Variants in CLIC5 observed in about 807,000 individuals in gnomAD.
CLIC5 encodes chloride intracellular channel protein 5.
A neutral mutation model predicts 24.7 loss-of-function variants in CLIC5; 20 were observed. The ratio of observed to expected loss-of-function variants is 0.81; its 90% CI spans 0.57 to 1.18. CLIC5 has a LOEUF of 1.18. Among genes scored for constraint, CLIC5 ranks in the 50% most tolerant of loss-of-function variants. The pLI, the probability that CLIC5 is intolerant of heterozygous loss-of-function variation, is 0.00. For missense variants in CLIC5, 341 were observed against 326.1 expected (o/e 1.05, Z -0.35); for synonymous variants, 159 against 135.6 (o/e 1.17, Z -1.20).
intron 1 of CLIC5, among the ~76,000 whole-genome samples, chr6:46,030,142 G>A (rs1000072028): frequency 1.3e-5 from 2 of 152,092 alleles, no homozygotes; most frequent in Non-Finnish European, 2.9e-5. Context: ...CCTCCCTTGA[G>A]TGTCCTAGTT....
chr6:46,045,944 T>C (rs1380266257), intron 1 of CLIC5, among the ~76,000 whole-genome samples: 1 of 152,176 alleles, frequency 6.6e-6, no homozygotes, highest in Admixed American at 6.5e-5. Flanking sequence ...TTTGGTATTA[T>C]TATTTTTCAA....
At chr6:45,904,744 CTT>C (rs1257313725) in intron 5 of CLIC5, among the ~76,000 whole-genome samples, 1 of 145,600 alleles carries the variant, frequency 6.9e-6, no homozygotes, top group Admixed American at 7.2e-5. Context: ...TTCCTTCCCT[CTT>C]TTTTTTGGGG....
the CLIC5 span, among the ~76,000 whole-genome samples, chr6:46,124,546 C>T: frequency 1.3e-5 from 2 of 152,176 alleles, no homozygotes; most frequent in Non-Finnish European, 2.9e-5. Context: ...ACACCAAAAG[C>T]AACGGCAACA....
At chr6:46,013,029 C>T (rs958445643) in intron 1 of CLIC5, among the ~76,000 whole-genome samples, 2 of 152,074 alleles carry the variant, frequency 1.3e-5, no homozygotes, top group African/African-American at 4.8e-5. Flanking sequence ...TATCAATTGA[C>T]GTGGGAGACA....
At chr6:45,972,116 A>G (rs185890259) in intron 1 of CLIC5, among the ~76,000 whole-genome samples, 41 of 152,384 alleles carry the variant, frequency 2.7e-4, no homozygotes, top group Admixed American at 1.1e-3. Context: ...CAAATTTAAC[A>G]TAAGTAGAGT....
At chr6:46,056,537 C>T (rs763944811) in intron 1 of CLIC5, among the ~76,000 whole-genome samples, 1 of 152,166 alleles carries the variant, frequency 6.6e-6, no homozygotes, top group African/African-American at 2.4e-5. Context: ...TGACAGCCAG[C>T]TGTGCCCATC....
chr6:46,110,158 A>G, the CLIC5 span, among the ~76,000 whole-genome samples: 2 of 152,316 alleles, frequency 1.3e-5, no homozygotes, highest in Admixed American at 6.5e-5. Flanking sequence ...TATAAATGCT[A>G]AACCATCACA....
chr6:45,891,641 A>T (rs1407372662), intron 6 of CLIC5, among the ~76,000 whole-genome samples: 3 of 151,852 alleles, frequency 2.0e-5, no homozygotes, highest in African/African-American at 7.3e-5. Flanking sequence ...TTCAAAAAAA[A>T]AAAAAAAGAA....
At chr6:45,915,390 T>TTAAC (rs1460038289) in intron 4 of CLIC5, among the ~76,000 whole-genome samples, 2 of 152,146 alleles carry the variant, frequency 1.3e-5, no homozygotes, top group Admixed American at 6.5e-5. Context: ...TGTGGAAGTA[T>TTAAC]TAACTATAGC....
the CLIC5 span, among the ~76,000 whole-genome samples, chr6:46,101,190 C>G: frequency 6.6e-6 from 1 of 152,314 alleles, no homozygotes; most frequent in Middle Eastern, 3.4e-3. Context: ...GACTGCTCTG[C>G]TGCTTAGAAT....
chr6:46,023,819 A>G (rs1232457732), intron 1 of CLIC5, among the ~76,000 whole-genome samples: 5 of 152,172 alleles, frequency 3.3e-5, no homozygotes, highest in Admixed American at 3.3e-4. Context: ...TCACCTTAAA[A>G]ATACAACTAT....
At chr6:46,121,606 TA>T in the CLIC5 span, among the ~76,000 whole-genome samples, 1 of 152,182 alleles carries the variant, frequency 6.6e-6, no homozygotes, top group Non-Finnish European at 1.5e-5. Context: ...GTAAATGGAA[TA>T]AATGCTCCAA....
intron 1 of CLIC5, among the ~76,000 whole-genome samples, chr6:46,030,890 A>G (rs184291259): frequency 7.7e-4 from 118 of 152,340 alleles, no homozygotes; most frequent in Admixed American, 9.8e-4. Context: ...AAGATCTTCA[A>G]GTACAGGAGA....
At chr6:45,912,647 C>T in intron 5 of CLIC5, 1 of 1,528,214 alleles carries the variant, frequency 6.5e-7, no homozygotes, top group Non-Finnish European at 8.8e-7. Flanking sequence ...AAATACAGGA[C>T]CGGAACTCGG....
intron 1 of CLIC5, among the ~76,000 whole-genome samples, chr6:45,960,120 C>A (rs1001938): frequency 0.87 from 131,850 of 152,142 alleles, 57,603 homozygotes; most frequent in Non-Finnish European, 0.9. Flanking sequence ...GTCCATGAAC[C>A]ACATTGGAGA....
chr6:45,908,842 G>A lies in CLIC5; in HGVS notation c.588+5386C>T, dbSNP rs1370725042. ...AATATCTTTGTTAGTTTTCTGCCTC[G>A]AAGATCTGTCTAACGTTGTTAGTGA... On this transcript the variant is annotated intron_variant, in intron 5 of 5. Coordinates refer to ENST00000339561, the MANE Select transcript of CLIC5 (RefSeq NM_016929.5). 2.6e-5 allele frequency among the ~76,000 whole-genome samples: 4 copies of A among 152,042 alleles called. No individual in the cohort carries two copies. In the East Asian group the frequency reaches 5.8e-4, roughly 22 times the overall value.
At chr6:45,977,224 T>C (rs2127410042) in intron 1 of CLIC5, among the ~76,000 whole-genome samples, 1 of 152,306 alleles carries the variant, frequency 6.6e-6, no homozygotes, top group Non-Finnish European at 1.5e-5. Flanking sequence ...TTTGCATGCT[T>C]TTTCCTATGA....
At chr6:46,111,462 C>T in the CLIC5 span, among the ~76,000 whole-genome samples, 1 of 152,078 alleles carries the variant, frequency 6.6e-6, no homozygotes, top group Non-Finnish European at 1.5e-5. Context: ...AGATGTTTGC[C>T]ATATATAGAG....
At chr6:45,932,460 A>T (rs1482619932) in intron 4 of CLIC5, among the ~76,000 whole-genome samples, 1 of 152,212 alleles carries the variant, frequency 6.6e-6, no homozygotes, top group African/African-American at 2.4e-5. Flanking sequence ...AATTTTCTAT[A>T]CATCAAATGA....
Sources: allele counts gnomAD v4.1 joint callset (sites outside exome capture counted in the v4.1 genomes callset), GRCh38; gene constraint gnomAD v4.1.1; transcripts MANE v1.5; gene names NCBI Gene and HGNC (gene_info 2026-07-23, HGNC 2026-07-21).